Variants in CDC5L observed in about 807,000 individuals in gnomAD.
CDC5L encodes the protein cell division cycle 5-like protein.
CDC5L carries 18 observed loss-of-function variants against 104.1 expected under a neutral mutation model. The ratio of observed to expected loss-of-function variants is 0.17; its 90% confidence interval spans 0.12 to 0.26. The LOEUF is 0.26. Ranked by LOEUF, CDC5L falls within the 10% of genes least tolerant of loss-of-function variation. The pLI is 1.00. For synonymous variants in CDC5L, 331 were observed against 322.7 expected (o/e 1.03, Z -0.28); for missense variants, 673 against 956.9 (o/e 0.70, Z 3.91).
intron 8 of CDC5L, 138 bp downstream of exon 8, chr6:44,408,770 G>A (rs1043388019): frequency 6.1e-6 from 3 of 488,304 alleles, no homozygotes; most frequent in African/African-American, 5.9e-5. Flanking sequence ...CATAGATCTT[G>A]CAATATTTCT....
chr6:44,431,411 A>G (rs1792677986), intron 14 of CDC5L, among the ~76,000 whole-genome samples: 2 of 152,196 alleles, frequency 1.3e-5, no homozygotes, highest in African/African-American at 4.8e-5. Context: ...TGTAGGCTTC[A>G]TTTCTTATAA....
At chr6:44,418,978 G>C (rs1317188540) in intron 8 of CDC5L, among the ~76,000 whole-genome samples, 2 of 150,144 alleles carry the variant, frequency 1.3e-5, no homozygotes, top group East Asian at 4.0e-4. Context: ...AGTTTCTTTT[G>C]CTGTGCAGAA....
At position 44,419,532 on chromosome 6, in the gene CDC5L, C is replaced by G; in HGVS notation, c.1176C>G (p.Phe392Leu). 1.2e-6 allele frequency: 2 copies of G among 1,613,642 alleles called. No individual in the cohort carries two copies. Among genetic ancestry groups the G allele is most frequent in the African/African-American group, 1.3e-5 (1 of 75,038 alleles). The change falls in exon 9 of 16, where the codon TTC becomes TTG. Residue 392 changes from phenylalanine to leucine, a missense_variant. Transcript: ENST00000371477. ...GLNTPLHESD[F>L]SGVTPQRQVV... ...ATACCCCATTGCATGAGAGTGACTT[C>G]TCAGGTGTAACTCCACAGCGACAAG... is the stretch of plus-strand genomic sequence containing the variant.
chr6:44,388,788 C>A (rs1046844227), intron 1 of CDC5L, among the ~76,000 whole-genome samples: 1 of 151,778 alleles, frequency 6.6e-6, no homozygotes, highest in Non-Finnish European at 1.5e-5. Context: ...ATTAATTGCA[C>A]CCCCGATATT....
chr6:44,426,596 C>T lies in CDC5L; in HGVS notation c.1765C>T (p.His589Tyr). The T allele has an allele frequency of 1.2e-6, 2 of 1,613,476 alleles. No homozygotes were observed. The highest frequency in any genetic ancestry group is 1.7e-6 in the Non-Finnish European group (2 of 1,179,644). The change falls in exon 13 of 16, where the codon CAT becomes TAT. Residue 589 changes from histidine (H) to tyrosine (Y), a missense_variant. Physicochemically the swap from His to Tyr is moderately conservative, Grantham distance 83. Transcript: ENST00000371477. ...MITMLHYDLL[H>Y]HPYEPSGNKK... ...CACAATGCTTCATTATGACCTTCTA[C>T]ATCACCCTTATGAACCATCTGGAAA... is the stretch of plus-strand genomic sequence containing the variant.
intron 6 of CDC5L, 41 bp downstream of exon 6, chr6:44,404,068 A>G: frequency 6.9e-7 from 1 of 1,441,246 alleles, no homozygotes; most frequent in Non-Finnish European, 9.6e-7. Flanking sequence ...AAGGAATAGT[A>G]GGAGGAGTCT....
chr6:44,401,834 G>A (rs951857077), intron 5 of CDC5L, among the ~76,000 whole-genome samples: 4 of 149,468 alleles, frequency 2.7e-5, no homozygotes, highest in African/African-American at 4.9e-5. Context: ...TCCCCAGAGC[G>A]TGATGTTCCC....
At chr6:44,432,822 G>A (rs1792745171) in intron 14 of CDC5L, among the ~76,000 whole-genome samples, 1 of 152,132 alleles carries the variant, frequency 6.6e-6, no homozygotes, top group Non-Finnish European at 1.5e-5. Context: ...TTAGAACCTT[G>A]CCAGACTTTT....
chr6:44,440,835 G>A (rs765660323), intron 14 of CDC5L, among the ~76,000 whole-genome samples: 1 of 151,592 alleles, frequency 6.6e-6, no homozygotes, highest in Non-Finnish European at 1.5e-5. Flanking sequence ...AGCCTCTGGA[G>A]TAGCTGGGAC....
At chr6:44,407,936 C>T (rs6458383) in intron 7 of CDC5L, among the ~76,000 whole-genome samples, 151,385 of 152,340 alleles carry the variant, frequency 0.99, 75,224 homozygotes, top group East Asian at 1. Flanking sequence ...CTCGCTGGAC[C>T]CTTTCTGTGT....
At chr6:44,439,034 A>G (rs920708150) in intron 14 of CDC5L, among the ~76,000 whole-genome samples, 7 of 152,138 alleles carry the variant, frequency 4.6e-5, no homozygotes, top group African/African-American at 1.4e-4. Flanking sequence ...GCTCACCCCT[A>G]GGAAACCATT....
chr6:44,405,581 TAAC>T (rs971108090), intron 6 of CDC5L, among the ~76,000 whole-genome samples: 2 of 152,224 alleles, frequency 1.3e-5, no homozygotes, highest in African/African-American at 2.4e-5. Context: ...GAGAATTTAA[TAAC>T]AAGTTTTAAA....
At chr6:44,414,656 A>C (rs1791830993) in intron 8 of CDC5L, among the ~76,000 whole-genome samples, 1 of 151,888 alleles carries the variant, frequency 6.6e-6, no homozygotes, top group African/African-American at 2.4e-5. Flanking sequence ...TAATTGTAAG[A>C]GTTCTTTGTA....
At position 44,445,548 on chromosome 6, in the gene CDC5L, A is replaced by G. The variant is rs1793409367; in HGVS notation, c.2092-107A>G. The G allele has an allele frequency of 3.5e-5, 24 of 679,052 alleles. No individual in the cohort carries two copies. In the South Asian group the frequency reaches 4.4e-4, roughly 12 times the overall value. 42.1% of individuals were successfully genotyped at this position (679,052 alleles called of 1,614,324 possible). A position where few individuals can be genotyped will look rare whatever the true frequency, so the allele number is the denominator to read the frequency against. On this transcript the variant is annotated intron_variant, in intron 14 of 15. Coordinates refer to ENST00000371477, the MANE Select transcript of CDC5L (RefSeq NM_001253.4). ...ATTGAGCTATAAGGAGTTCTAGTGT[A>G]TTTTTGCTTTGAGACACATACATGA... is the stretch of plus-strand genomic sequence containing the variant.
intron 8 of CDC5L, among the ~76,000 whole-genome samples, chr6:44,416,470 C>T (rs956265264): frequency 6.6e-6 from 1 of 152,154 alleles, no homozygotes; most frequent in Non-Finnish European, 1.5e-5. Flanking sequence ...TTGCCAGCTC[C>T]TCTGCAAGTC....
At chr6:44,442,081 C>A (rs968092693) in intron 14 of CDC5L, among the ~76,000 whole-genome samples, 11 of 151,712 alleles carry the variant, frequency 7.3e-5, no homozygotes, top group African/African-American at 2.7e-4. Context: ...GGACTACAGG[C>A]GCCCGCTACC....
intron 5 of CDC5L, among the ~76,000 whole-genome samples, chr6:44,397,484 A>G (rs932527507): frequency 1.3e-5 from 2 of 152,154 alleles, no homozygotes; most frequent in African/African-American, 2.4e-5. Flanking sequence ...ATTTCAGAAT[A>G]TTTATAGAAA....
At chr6:44,444,748 G>T (rs1231772907) in intron 14 of CDC5L, among the ~76,000 whole-genome samples, 1 of 152,174 alleles carries the variant, frequency 6.6e-6, no homozygotes, top group Non-Finnish European at 1.5e-5. Flanking sequence ...AGAGAGACAT[G>T]CATATGCCTA....
Position 44,429,544 on chromosome 6 carries a change from G to C in CDC5L, c.1894-169G>C, listed in dbSNP as rs4714787. Among the ~76,000 whole-genome samples the C allele has an allele frequency of 0.055, 8,368 of 152,128 alleles. 466 individuals carry two copies. The highest frequency in any genetic ancestry group is 0.18 in the Admixed American group (2,702 of 15,276). On this transcript the variant is annotated intron_variant, in intron 13 of 15. Transcript: ENST00000371477. ...AAAAGCAGTCTGCATTGACTCAAAG[G>C]CTTCTTAAGCTATTTTTCCTAGGTA... is the stretch of plus-strand genomic sequence containing the variant.
Sources: gnomAD v4.1 joint callset for allele counts (sites outside exome capture counted in the v4.1 genomes callset) on GRCh38, gnomAD v4.1.1 for gene constraint, MANE v1.5 for transcripts, NCBI Gene and HGNC (gene_info 2026-07-23, HGNC 2026-07-21) for gene names.